Variants in GSR observed in about 807,000 individuals in gnomAD.
The protein encoded by GSR is glutathione reductase, mitochondrial.
GSR carries 48 observed loss-of-function variants against 56.5 expected under a neutral mutation model. That is an observed-to-expected ratio of 0.85 (90% confidence interval 0.67 to 1.08). GSR has a LOEUF of 1.08. Ranked by LOEUF, GSR falls within the 50% of genes least tolerant of loss-of-function variation. The pLI is 0.00. For missense variants in GSR, 694 were observed against 703.3 expected (o/e 0.99, Z 0.15); for synonymous variants, 264 against 270.8 (o/e 0.97, Z 0.25).
chr8:30,716,079 G>A (rs1352099026), intron 1 of GSR, among the ~76,000 whole-genome samples: 1 of 152,108 alleles, frequency 6.6e-6, no homozygotes, highest in Non-Finnish European at 1.5e-5. Context: ...GAGGTACTGA[G>A]TAAGCACTCA....
chr8:30,680,787 T>C, intron 12 of GSR, 117 bp downstream of exon 12: 1 of 880,204 alleles, frequency 1.1e-6, no homozygotes, highest in East Asian at 2.4e-5. Flanking sequence ...AAAGTGGGCC[T>C]GTCCAGTTGA....
chr8:30,700,448 C>A (rs558788961), intron 5 of GSR, among the ~76,000 whole-genome samples: 1 of 152,064 alleles, frequency 6.6e-6, no homozygotes, highest in South Asian at 2.1e-4. Flanking sequence ...AGGTAGGAAC[C>A]CTGGGGCTCA....
chr8:30,689,288 A>C lies in GSR; in HGVS notation c.914T>G (p.Leu305Trp), dbSNP rs1223088488. The C allele has an allele frequency of 6.2e-7, 1 of 1,614,014 alleles. No homozygotes were observed. The highest frequency in any genetic ancestry group is 8.5e-7 in the Non-Finnish European group (1 of 1,179,948). Residue 305 changes from leucine to tryptophan, a missense_variant, in exon 9 of 13, where the codon TTG (leucine) becomes TGG (tryptophan). Leu to Trp is a moderately conservative substitution (Grantham distance 61). Coordinates refer to ENST00000221130, the MANE Select transcript of GSR (RefSeq NM_000637.5). ...VKEVKKTLSG[L>W]EVSMVTAVPG... ...AACTGCAGTAACCATGCTGACTTCC[A>C]AGCCCGACAAAGTCTTTTTAACCTC...
At position 30,679,177 on chromosome 8, in the gene GSR, T is replaced by G; in HGVS notation, c.*343A>C. On this transcript the variant is annotated 3_prime_UTR_variant, in exon 13 of 13. Coordinates refer to ENST00000221130, the MANE Select transcript of GSR (RefSeq NM_000637.5). ...AAAAAAAAAAAAAAAAAGTAGCAAGTTCTATTCATTCAAGTACATTAAGTT... is the reference window on the plus strand; with the variant it reads ...AAAAAAAAAAAAAAAAAGTAGCAAGGTCTATTCATTCAAGTACATTAAGTT... 8.7e-6 allele frequency: 2 copies of G among 228,712 alleles called. No individual in the cohort carries two copies. Among genetic ancestry groups the G allele is most frequent in the Non-Finnish European group, 1.7e-5 (2 of 117,140 alleles). The allele number at this position is 228,712 out of a possible 1,614,324, so 14.2% of individuals were successfully genotyped here.
chr8:30,694,757 G>T (rs1803491138), intron 7 of GSR, among the ~76,000 whole-genome samples: 2 of 151,934 alleles, frequency 1.3e-5, no homozygotes. Flanking sequence ...AACCTCACTG[G>T]GTGTGGTGGC....
chr8:30,712,164 G>A (rs971114536), intron 1 of GSR, 76 bp from the exon 2 acceptor site: 11 of 771,282 alleles, frequency 1.4e-5, no homozygotes, highest in South Asian at 6.2e-5. Flanking sequence ...AGAAATGCAC[G>A]CTAAGCATCA....
intron 6 of GSR, among the ~76,000 whole-genome samples, chr8:30,699,690 C>T (rs1380919557): frequency 3.3e-5 from 5 of 151,694 alleles, no homozygotes; most frequent in East Asian, 2.0e-4. Context: ...GTGATCTGCC[C>T]GCTTCAGCCT....
intron 9 of GSR, among the ~76,000 whole-genome samples, chr8:30,686,737 C>T (rs998193748): frequency 6.6e-6 from 1 of 152,050 alleles, no homozygotes; most frequent in African/African-American, 2.4e-5. Flanking sequence ...AAAACTGGAC[C>T]TATCAGTGCT....
intron 1 of GSR, among the ~76,000 whole-genome samples, chr8:30,722,493 A>C (rs1804572770): frequency 1.4e-5 from 2 of 146,942 alleles, no homozygotes; most frequent in African/African-American, 4.9e-5. Flanking sequence ...TGAGAGGCTA[A>C]GGTGGGAGGA....
chr8:30,721,967 G>C (rs1804554374), intron 1 of GSR, among the ~76,000 whole-genome samples: 1 of 150,988 alleles, frequency 6.6e-6, no homozygotes, highest in South Asian at 2.1e-4. Context: ...AGTGAGCCAA[G>C]ATGGTACCAC....
At chr8:30,683,018 G>C (rs1219910337) in intron 10 of GSR, among the ~76,000 whole-genome samples, 1 of 151,662 alleles carries the variant, frequency 6.6e-6, no homozygotes, top group Non-Finnish European at 1.5e-5. Context: ...AGCAGAGATG[G>C]GGTTTCACCA....
intron 5 of GSR, among the ~76,000 whole-genome samples, chr8:30,702,789 T>G (rs981584884): frequency 7.9e-5 from 12 of 152,082 alleles, no homozygotes; most frequent in African/African-American, 2.7e-4. Context: ...ATACCAAAAC[T>G]AGCCAAGTGT....
chr8:30,701,623 C>G (rs1172151083), intron 5 of GSR, among the ~76,000 whole-genome samples: 2 of 132,020 alleles, frequency 1.5e-5, no homozygotes, highest in Non-Finnish European at 3.5e-5. Context: ...AACCCCACCT[C>G]CACTAAAAAT....
chr8:30,716,854 G>C (rs1219132203), intron 1 of GSR, among the ~76,000 whole-genome samples: 1 of 152,040 alleles, frequency 6.6e-6, no homozygotes, highest in East Asian at 1.9e-4. Context: ...GGAGGCCAGG[G>C]GTGAAAAGCT....
intron 1 of GSR, among the ~76,000 whole-genome samples, chr8:30,712,542 T>C (rs1209814979): frequency 6.6e-6 from 1 of 152,152 alleles, no homozygotes; most frequent in East Asian, 1.9e-4. Flanking sequence ...GGTGTGGTGG[T>C]GCATGCCTGT....
chr8:30,689,137 T>A (rs1218446108), intron 9 of GSR, 24 bp downstream of exon 9: 1 of 1,612,444 alleles, frequency 6.2e-7, no homozygotes, highest in East Asian at 2.2e-5. Context: ...TCACAAATGT[T>A]TCGGGCAGAC....
chr8:30,682,921 G>A (rs372132912), intron 10 of GSR, among the ~76,000 whole-genome samples: 11 of 151,828 alleles, frequency 7.2e-5, no homozygotes, highest in African/African-American at 1.9e-4. Flanking sequence ...TCTGCCTCCC[G>A]GGTTGAAGCA....
chr8:30,684,331 G>A (rs1803083591), intron 9 of GSR, 132 bp from the exon 10 acceptor site: 3 of 735,878 alleles, frequency 4.1e-6, no homozygotes, highest in Non-Finnish European at 7.5e-6. Context: ...ATGAGACTCA[G>A]CTGCAACACG....
At position 30,727,747 on chromosome 8, in the gene GSR, A is replaced by G; in HGVS notation, c.89T>C (p.Leu30Pro). The G allele has an allele frequency of 7.2e-7, 1 of 1,397,456 alleles. No individual in the cohort carries two copies. 86.6% of individuals were successfully genotyped at this position (1,397,456 alleles called of 1,614,324 possible). ...GCGCGTGAGGGCCGCGGGCTCGGGC[A>G]GAAGCAGCAGGAAGCCTCGGAAGGC... ...ARAFRGFLLLLPEPAALTRAL... is the reference protein window; with the variant it reads ...ARAFRGFLLLPPEPAALTRAL... The change falls in exon 1 of 13, where the codon CTG becomes CCG. Residue 30 changes from leucine (L) to proline (P), a missense_variant. By Grantham distance (98) the Leu-to-Pro change is moderately conservative. Transcript: ENST00000221130.
Sources: gnomAD v4.1 joint callset for allele counts (sites outside exome capture counted in the v4.1 genomes callset) on GRCh38, gnomAD v4.1.1 for gene constraint, MANE v1.5 for transcripts, NCBI Gene and HGNC (gene_info 2026-07-23, HGNC 2026-07-21) for gene names.